EVC2: variants seen among roughly 807,000 people sequenced by gnomAD.
EVC2 encodes limbin.
In EVC2, 148 loss-of-function variants were observed where a neutral mutation model predicts 149.3. The observed-to-expected ratio is 0.99, with a 90% CI of 0.87 to 1.14. The LOEUF (loss-of-function observed/expected upper bound fraction) is 1.14. EVC2 is among the 50% of genes most tolerant of loss of function. The probability of loss-of-function intolerance (pLI) is 0.00; values close to 1 mark genes in which losing one functional copy is unlikely to be tolerated. For missense variants in EVC2, 1,854 were observed against 1,627.3 expected, an observed-to-expected ratio of 1.14 and a Z score of -2.40; for synonymous variants, 776 against 649.9, an observed-to-expected ratio of 1.19 and a Z score of -2.95.
chr4:5,585,273 G>A (rs1712174154), intron 16 of EVC2, among the ~76,000 whole-genome samples: 1 of 152,002 alleles, frequency 6.6e-6, no homozygotes, highest in Non-Finnish European at 1.5e-5. Flanking sequence ...GCACAACTGG[G>A]AATGCCCTTC....
intron 20 of EVC2, among the ~76,000 whole-genome samples, chr4:5,566,255 G>A (rs1389710055): frequency 6.6e-6 from 1 of 152,212 alleles, no homozygotes; most frequent in African/African-American, 2.4e-5. Flanking sequence ...AGCCAATAAA[G>A]GATGTGCTAG....
intron 3 of EVC2, among the ~76,000 whole-genome samples, chr4:5,692,288 A>T (rs2151734761): frequency 6.6e-6 from 1 of 152,188 alleles, no homozygotes; most frequent in Non-Finnish European, 1.5e-5. Flanking sequence ...TTGGCCTCCC[A>T]AGGTGCTGGG....
At chr4:5,628,451 C>G in intron 12 of EVC2, 108 bp downstream of exon 12, 1 of 1,419,362 alleles carries the variant, frequency 7.0e-7, no homozygotes, top group Non-Finnish European at 9.7e-7. Flanking sequence ...GAACTATGAA[C>G]CAAATATATC....
intron 10 of EVC2, among the ~76,000 whole-genome samples, chr4:5,638,618 A>G (rs1717069531): frequency 6.6e-6 from 1 of 152,120 alleles, no homozygotes; most frequent in South Asian, 2.1e-4. Context: ...CCCCCCAAAA[A>G]AGATATGCCT....
chr4:5,706,321 C>CATAGATACATAGATAGATAGATAG (rs1722133223), intron 1 of EVC2, among the ~76,000 whole-genome samples: 9 of 26,554 alleles, frequency 3.4e-4, no homozygotes, highest in Non-Finnish European at 4.0e-4. Flanking sequence ...TAGATAGATA[C>CATAGATACATAGATAGATAGATAG]ATAGATAGAT....
At chr4:5,545,259 A>G (rs1192737280) in intron 21 of EVC2, among the ~76,000 whole-genome samples, 1 of 152,212 alleles carries the variant, frequency 6.6e-6, no homozygotes, top group Non-Finnish European at 1.5e-5. Context: ...AATAAATGAC[A>G]CACAGAAATG....
At chr4:5,570,236 A>AT (rs890126682) in intron 19 of EVC2, among the ~76,000 whole-genome samples, 1 of 152,228 alleles carries the variant, frequency 6.6e-6, no homozygotes, top group Non-Finnish European at 1.5e-5. Flanking sequence ...ACCAACAGAC[A>AT]TTTGTTGGAT....
intron 16 of EVC2, among the ~76,000 whole-genome samples, chr4:5,612,918 T>C (rs1714954253): frequency 1.1e-5 from 1 of 95,138 alleles, no homozygotes; most frequent in African/African-American, 4.5e-5. Context: ...CGAGACTCTG[T>C]CTCCAAAAAA....
intron 9 of EVC2, among the ~76,000 whole-genome samples, chr4:5,659,777 T>C (rs894988864): frequency 2.6e-5 from 4 of 152,250 alleles, no homozygotes; most frequent in African/African-American, 9.6e-5. Flanking sequence ...CGGCTTCTTA[T>C]GCCCCATCAC....
chr4:5,601,850 G>C (rs1005311079), intron 16 of EVC2, among the ~76,000 whole-genome samples: 1 of 152,198 alleles, frequency 6.6e-6, no homozygotes, highest in Non-Finnish European at 1.5e-5. Context: ...AGCTGTGCAT[G>C]AGGCACAGAG....
At chr4:5,550,591 C>G (rs927741995) in intron 21 of EVC2, among the ~76,000 whole-genome samples, 1 of 152,144 alleles carries the variant, frequency 6.6e-6, no homozygotes, top group Non-Finnish European at 1.5e-5. Flanking sequence ...AAATTTGCAG[C>G]CTGAGAACGC....
intron 21 of EVC2, among the ~76,000 whole-genome samples, chr4:5,551,658 G>T (rs1721741665): frequency 6.6e-6 from 1 of 152,210 alleles, no homozygotes; most frequent in Admixed American, 6.5e-5. Context: ...GATTGATTTT[G>T]AAATGTGAGA....
chr4:5,561,615 G>T (rs557623591), downstream of EVC2, among the ~76,000 whole-genome samples: 1 of 152,262 alleles, frequency 6.6e-6, no homozygotes, highest in Admixed American at 6.5e-5. Flanking sequence ...TCTTCTGGTT[G>T]CCCATGGAAA....
chr4:5,685,316 A>C (rs1720622618), intron 6 of EVC2, 54 bp downstream of exon 6: 1 of 1,555,174 alleles, frequency 6.4e-7, no homozygotes, highest in Non-Finnish European at 8.9e-7. Context: ...CCTATTTCTA[A>C]AACAACCTCT....
intron 1 of EVC2, among the ~76,000 whole-genome samples, chr4:5,698,548 T>C (rs1042279534): frequency 6.6e-6 from 1 of 152,172 alleles, no homozygotes; most frequent in African/African-American, 2.4e-5. Context: ...TTTACCTTTA[T>C]GAATCACTGG....
intron 20 of EVC2, 63 bp downstream of exon 20, chr4:5,568,381 G>T: frequency 6.8e-7 from 1 of 1,477,672 alleles, no homozygotes; most frequent in South Asian, 1.2e-5. Flanking sequence ...TGACCTTGAG[G>T]ACTCATGGGG....
At position 5,611,254 on chromosome 4, in the gene EVC2, T is replaced by C. The variant is rs538556002; in HGVS notation, c.2829+4168A>G. ...TGGTGGTGGACCCTGGGCTGGGCAC[T>C]AACCTTTTTGAGCTTAGAATGGACT... On this transcript the variant is annotated intron_variant, in intron 16 of 21. Coordinates refer to ENST00000344408, the MANE Select transcript of EVC2 (RefSeq NM_147127.5). 2.8e-4 allele frequency among the ~76,000 whole-genome samples: 43 copies of C among 152,300 alleles called. No homozygotes were observed. In the South Asian group the frequency reaches 8.9e-3, roughly 32 times the overall value.
intron 16 of EVC2, among the ~76,000 whole-genome samples, chr4:5,606,400 C>T (rs955925850): frequency 4.6e-5 from 7 of 152,126 alleles, no homozygotes; most frequent in Admixed American, 6.5e-5. Flanking sequence ...ACACTTTTGG[C>T]GGAATCCACA....
Position 5,618,149 on chromosome 4 carries a change from G to C in EVC2, c.2706+329C>G, listed in dbSNP as rs766974622. On this transcript the variant is annotated intron_variant, in intron 15 of 21. Coordinates refer to ENST00000344408, the MANE Select transcript of EVC2 (RefSeq NM_147127.5). The surrounding 1 kb of genome is among the most constrained non-coding windows in gnomAD (Gnocchi z 4.4). ...CAGTCATTAGCTGTGGCTGGAGGAG[G>C]GGGCAGGAGAGACAGAGTAATATCT... is the stretch of plus-strand genomic sequence containing the variant. Among the ~76,000 whole-genome samples the C allele has an allele frequency of 6.6e-6, 1 of 152,154 alleles. No individual in the cohort carries two copies. Among genetic ancestry groups the C allele is most frequent in the Non-Finnish European group, 1.5e-5 (1 of 68,022 alleles).
Sources: allele counts gnomAD v4.1 joint callset (sites outside exome capture counted in the v4.1 genomes callset), GRCh38; gene constraint gnomAD v4.1.1; non-coding constraint Gnocchi (gnomAD v3.1); transcripts MANE v1.5; gene names NCBI Gene and HGNC (gene_info 2026-07-23, HGNC 2026-07-21).